Variants in ABCA9 observed in about 807,000 individuals in gnomAD.
ABCA9 encodes ATP-binding cassette sub-family A member 9.
Under a neutral mutation model 205.3 loss-of-function variants are expected in ABCA9, and 183 were observed. The observed-to-expected ratio is 0.89, with a 90% CI of 0.79 to 1.01. The LOEUF is 1.01. Ranked by LOEUF, ABCA9 falls within the 50% of genes least tolerant of loss-of-function variation. The pLI, the probability that ABCA9 is intolerant of heterozygous loss-of-function variation, is 0.00. For synonymous variants in ABCA9, 651 were observed against 683.3 expected (o/e 0.95, Z 0.74); for missense variants, 1,805 against 1,912.4 (o/e 0.94, Z 1.05).
At chr17:68,997,378 T>C (rs2069658096) in intron 25 of ABCA9, among the ~76,000 whole-genome samples, 1 of 152,276 alleles carries the variant, frequency 6.6e-6, no homozygotes, top group South Asian at 2.1e-4. Flanking sequence ...CAAAAGGAAC[T>C]CTTCAACTTT....
At chr17:69,057,678 A>G (rs2046982211) in intron 1 of ABCA9, among the ~76,000 whole-genome samples, 1 of 152,202 alleles carries the variant, frequency 6.6e-6, no homozygotes, top group Non-Finnish European at 1.5e-5. Flanking sequence ...GTGCGGGTAC[A>G]ATGTAATTAT....
intron 29 of ABCA9, 111 bp from the exon 30 acceptor site, chr17:68,990,041 C>T (rs759652039): frequency 4.7e-5 from 36 of 762,724 alleles, no homozygotes; most frequent in Admixed American, 1.2e-4. Context: ...AATCAAACCA[C>T]TTCTTCCCCT....
chr17:69,024,873 C>G (rs1486346450), intron 16 of ABCA9, among the ~76,000 whole-genome samples: 1 of 152,044 alleles, frequency 6.6e-6, no homozygotes, highest in African/African-American at 2.4e-5. Context: ...CAAGTGAAAT[C>G]TGGCCTGTCT....
chr17:69,065,304 G>A (rs927384053), upstream of ABCA9, among the ~76,000 whole-genome samples: 2 of 152,100 alleles, frequency 1.3e-5, no homozygotes, highest in Non-Finnish European at 2.9e-5. Context: ...ATTAGATATT[G>A]AGCAATGTTG....
At chr17:69,027,284 T>G (rs2071023208) in intron 14 of ABCA9, 46 bp downstream of exon 14, 4 of 1,591,380 alleles carry the variant, frequency 2.5e-6, no homozygotes, top group African/African-American at 1.4e-5. Flanking sequence ...TAAAATAATT[T>G]TATAGTCTTC....
rs1242374860 is a variant in ABCA9, at chr17:68,980,856, T to C, written c.4720+1706A>G. ...GTGCAGCACACCAACATGGCACATATATACATATGTAACTAACCTGCACGT... is the reference window on the plus strand; with the variant it reads ...GTGCAGCACACCAACATGGCACATACATACATATGTAACTAACCTGCACGT... On this transcript the variant is annotated intron_variant, in intron 37 of 38. Transcript: ENST00000340001. Among the ~76,000 whole-genome samples the C allele has an allele frequency of 3.3e-5, 5 of 151,178 alleles. No homozygotes were observed. In the East Asian group the frequency reaches 9.7e-4, roughly 29 times the overall value.
chr17:68,996,046 A>T, intron 25 of ABCA9, 32 bp from the exon 26 acceptor site: 1 of 1,601,114 alleles, frequency 6.2e-7, no homozygotes, highest in Non-Finnish European at 8.5e-7. Context: ...GCGTCATTAA[A>T]GTGTACCAAT....
At position 69,015,364 on chromosome 17, in the gene ABCA9, G is replaced by A. The variant is rs568160091; in HGVS notation, c.3039+889C>T. On this transcript the variant is annotated intron_variant, in intron 22 of 38. Coordinates refer to ENST00000340001, the MANE Select transcript of ABCA9 (RefSeq NM_080283.4). ...GGCCAGGGTGTCATTTTCACCAGAC[G>A]AAGTGTGTTTCAACATAACAAGATG... Among the ~76,000 whole-genome samples the A allele has an allele frequency of 7.9e-5, 12 of 152,208 alleles. No homozygotes were observed. The South Asian group carries it at 2.1e-3, about 26-fold the overall frequency.
chr17:68,996,123 C>T, intron 25 of ABCA9, 109 bp from the exon 26 acceptor site: 1 of 1,119,814 alleles, frequency 8.9e-7, no homozygotes. Context: ...TTCAATTTCA[C>T]TCCCCAAACC....
Position 69,027,693 on chromosome 17 carries a change from G to A in ABCA9, c.1738C>T (p.Leu580Phe). The A allele has an allele frequency of 1.2e-6, 2 of 1,613,540 alleles. No homozygotes were observed. Among genetic ancestry groups the A allele is most frequent in the Non-Finnish European group, 1.7e-6 (2 of 1,179,892 alleles). Residue 580 changes from leucine to phenylalanine, a missense_variant, in exon 13 of 39, where the codon CTC becomes TTC. Physicochemically the swap from Leu to Phe is conservative, Grantham distance 22. Coordinates refer to ENST00000340001, the MANE Select transcript of ABCA9 (RefSeq NM_080283.4). The stretch of plus-strand genomic sequence containing the variant: ...CCTTTTATTTTAGCAAACAGCCTGA[G>A]GTTTTCTTTCACAGTGAGAAATCCA... ...QFGFLTVKEN[L>F]RLFAKIKGIL...
intron 21 of ABCA9, among the ~76,000 whole-genome samples, chr17:69,017,128 TG>T (rs1222900209): frequency 1.3e-5 from 2 of 152,162 alleles, no homozygotes; most frequent in East Asian, 3.8e-4. Context: ...AGTTTATTCC[TG>T]AAAATTAACT....
intron 23 of ABCA9, 40 bp downstream of exon 23, chr17:69,011,936 C>T (rs767928783): frequency 2.1e-6 from 3 of 1,449,390 alleles, no homozygotes; most frequent in Non-Finnish European, 9.5e-7. Context: ...GAAGGGTTCT[C>T]TAGATATAAA....
intron 26 of ABCA9, among the ~76,000 whole-genome samples, chr17:68,995,305 G>A (rs893838418): frequency 2.0e-5 from 3 of 152,192 alleles, no homozygotes; most frequent in South Asian, 2.1e-4. Flanking sequence ...AAATGGATTC[G>A]CTGGCTCCTC....
chr17:69,002,930 G>C (rs1302844633), intron 25 of ABCA9, among the ~76,000 whole-genome samples: 2 of 143,348 alleles, frequency 1.4e-5, no homozygotes, highest in Non-Finnish European at 3.0e-5. Flanking sequence ...TCAGAGACTA[G>C]GATTGCAACC....
Position 69,023,178 on chromosome 17 carries a change from C to T in ABCA9, c.2281+1036G>A, listed in dbSNP as rs953984766. ...CATATTTTAAATGGTAGCATTATTT[C>T]TTTGTGTTTCTTTCTTAGTGGTACA... On this transcript the variant is annotated intron_variant, in intron 17 of 38. Transcript: ENST00000340001. This position sits in a 1 kb window ranked among gnomAD's most constrained non-coding sequence, Gnocchi z 4.2. 2 of 152,028 alleles carry T rather than the reference C, an allele frequency of 1.3e-5. No homozygotes were observed. The highest frequency in any genetic ancestry group is 2.9e-5 in the Non-Finnish European group (2 of 67,984). 9.4% of individuals were successfully genotyped at this position (152,028 alleles called of 1,614,324 possible).
chr17:69,074,768 T>A, the ABCA9 span, among the ~76,000 whole-genome samples: 1 of 152,136 alleles, frequency 6.6e-6, no homozygotes, highest in African/African-American at 2.4e-5. Flanking sequence ...TTTTCTAGTT[T>A]GTGTGCATTT....
upstream of ABCA9, among the ~76,000 whole-genome samples, chr17:69,062,362 T>C (rs1285419679): frequency 4.6e-5 from 7 of 152,112 alleles, no homozygotes; most frequent in Admixed American, 3.9e-4. Flanking sequence ...CTGGACCTAG[T>C]TGATTTTGAC....
intron 25 of ABCA9, among the ~76,000 whole-genome samples, chr17:69,000,953 T>C (rs1281309058): frequency 6.6e-6 from 1 of 150,798 alleles, no homozygotes; most frequent in Non-Finnish European, 1.5e-5. Context: ...ATGCTTGTGA[T>C]TTTTGTACAT....
chr17:69,059,628 A>T (rs1409895960), intron 1 of ABCA9, among the ~76,000 whole-genome samples: 1 of 151,536 alleles, frequency 6.6e-6, no homozygotes, highest in Admixed American at 6.6e-5. Context: ...GAGCTGTAAG[A>T]TGATAACTCT....
Sources: gnomAD v4.1 joint callset for allele counts (sites outside exome capture counted in the v4.1 genomes callset) on GRCh38, gnomAD v4.1.1 for gene constraint, Gnocchi (gnomAD v3.1) non-coding constraint, MANE v1.5 for transcripts, NCBI Gene and HGNC (gene_info 2026-07-23, HGNC 2026-07-21) for gene names.